ABCA13: variants seen among roughly 807,000 people sequenced by gnomAD.
The protein encoded by ABCA13 is ATP-binding cassette sub-family A member 13.
Under a neutral mutation model 478.7 loss-of-function variants are expected in ABCA13, and 476 were observed. The ratio of observed to expected loss-of-function variants is 0.99; its 90% confidence interval spans 0.92 to 1.07. ABCA13 has a LOEUF of 1.07. ABCA13 is among the 50% of genes least tolerant of loss of function. The probability of loss-of-function intolerance (pLI) is 0.00; values close to 1 mark genes in which losing one functional copy is unlikely to be tolerated. For synonymous variants in ABCA13, 2,252 were observed against 2,158.9 expected (o/e 1.04, Z -1.20); for missense variants, 6,060 against 5,910.6 (o/e 1.03, Z -0.83).
rs1223147462 is a variant in ABCA13, at chr7:48,374,356, T to G, written c.11143T>G (p.Ser3715Ala). ...FVNQTFLCLL[S>A]TTAFGQGVFF... ...ATCAATCTGTGGGCAGTGCCTTCTT[T>G]CGACAACCGCCTTTGGACAAGGGGT... Residue 3715 changes from serine to alanine, a missense_variant, in exon 34 of 62, where the codon TCG becomes GCG. Around this residue, in one of 3 missense-constraint regions of ABCA13, gnomAD observed 4,423 missense variants for 4,309.1 expected, o/e 1.03. Coordinates refer to ENST00000435803, the MANE Select transcript of ABCA13 (RefSeq NM_152701.5). 1 of 1,609,866 alleles carries G rather than the reference T, an allele frequency of 6.2e-7. No individual in the cohort carries two copies.
At chr7:48,566,049 G>T (rs1339159944) in intron 55 of ABCA13, among the ~76,000 whole-genome samples, 1 of 152,128 alleles carries the variant, frequency 6.6e-6, no homozygotes, top group Non-Finnish European at 1.5e-5. Context: ...ATACTATCTG[G>T]AAAGCAAATC....
At position 48,374,380 on chromosome 7, in the gene ABCA13, G is replaced by T. The variant is rs529853648; in HGVS notation, c.11167G>T (p.Val3723Leu). The change falls in exon 34 of 62, where the codon GTA becomes TTA. Residue 3723 changes from valine (V) to leucine (L), a missense_variant. Val to Leu is a conservative substitution (Grantham distance 32). This residue lies in a region of ABCA13 where 4,423 missense variants were observed against 4,309.1 expected (regional missense o/e 1.03). Coordinates refer to ENST00000435803, the MANE Select transcript of ABCA13 (RefSeq NM_152701.5). ...TTCGACAACCGCCTTTGGACAAGGG[G>T]TATTTTTTATTACATTCCTGGAAGG... ...LLSTTAFGQG[V>L]FFITFLEGQE... The T allele has an allele frequency of 6.2e-7, 1 of 1,610,624 alleles. No individual in the cohort carries two copies.
chr7:48,288,226 T>A (rs1798034865), intron 20 of ABCA13, 148 bp downstream of exon 20: 2 of 740,290 alleles, frequency 2.7e-6, no homozygotes, highest in Non-Finnish European at 2.2e-6. Context: ...GCTTGCAGAA[T>A]GACTGCTCAC....
intron 18 of ABCA13, among the ~76,000 whole-genome samples, 154 bp downstream of exon 18, chr7:48,280,074 G>T (rs979718616): frequency 3.9e-5 from 6 of 152,114 alleles, no homozygotes; most frequent in Non-Finnish European, 7.4e-5. Context: ...GAGCAATTCA[G>T]GTCCAGTCAT....
At chr7:48,270,074 A>C (rs1289163837) in intron 16 of ABCA13, among the ~76,000 whole-genome samples, 1 of 152,194 alleles carries the variant, frequency 6.6e-6, no homozygotes, top group Non-Finnish European at 1.5e-5. Flanking sequence ...GACCCATAGC[A>C]GTTGGCACAG....
chr7:48,328,389 A>G (rs1170553529), intron 27 of ABCA13, among the ~76,000 whole-genome samples: 1 of 152,206 alleles, frequency 6.6e-6, no homozygotes, highest in East Asian at 1.9e-4. Context: ...GATGGGTGAA[A>G]GTGGCCAATA....
chr7:48,273,596 AAAT>A lies in ABCA13; in HGVS notation c.3934_3936del (p.Asn1312del), dbSNP rs1406760640. Reference sequence around the variant, plus strand: ...TAGATTCAATAAATGACTTTCTTTCAAATAATCTCACAAATTATGGAGAAAAAT... The same window carrying A: ...TAGATTCAATAAATGACTTTCTTTCAAATCTCACAAATTATGGAGAAAAAT... On this transcript the variant is annotated inframe_deletion, in exon 17 of 62. Coordinates refer to ENST00000435803, the MANE Select transcript of ABCA13 (RefSeq NM_152701.5). 1.3e-6 allele frequency: 2 copies of A among 1,592,254 alleles called. No individual in the cohort carries two copies. The highest frequency in any genetic ancestry group is 2.7e-5 in the African/African-American group (2 of 74,598).
Position 48,587,182 on chromosome 7 carries a change from A to C in ABCA13, c.14534A>C (p.His4845Pro), listed in dbSNP as rs777707865. ...GCTGGAGACCTCATCAGGCGCTTAC[A>C]CCTCGAAGCCCACGCGGACAAACCT... is the stretch of plus-strand genomic sequence containing the variant. Reference protein sequence around the residue: ...EVAGDLIRRLHLEAHADKPVA... With the variant: ...EVAGDLIRRLPLEAHADKPVA... Residue 4845 changes from histidine to proline, a missense_variant, in exon 57 of 62, where the codon CAC becomes CCC. Physicochemically the swap from His to Pro is moderately conservative, Grantham distance 77. This residue lies in a region of ABCA13 where 1,627 missense variants were observed against 1,571.0 expected (regional missense o/e 1.04). Coordinates refer to ENST00000435803, the MANE Select transcript of ABCA13 (RefSeq NM_152701.5). The C allele has an allele frequency of 2.5e-6, 4 of 1,613,126 alleles. No individual in the cohort carries two copies. In the Admixed American group the frequency reaches 6.7e-5, roughly 27 times the overall value.
intron 43 of ABCA13, among the ~76,000 whole-genome samples, chr7:48,462,451 C>G (rs973569953): frequency 4.6e-5 from 7 of 151,938 alleles, no homozygotes; most frequent in African/African-American, 1.7e-4. Flanking sequence ...ATTCCCCCCC[C>G]CCTACTGTTT....
intron 33 of ABCA13, 142 bp from the exon 34 acceptor site, chr7:48,374,205 A>C: frequency 1.4e-6 from 1 of 690,390 alleles, no homozygotes; most frequent in Non-Finnish European, 2.4e-6. Context: ...CAAAATATTT[A>C]AATGACTGCC....
At chr7:48,354,234 T>A (rs1809525930) in intron 31 of ABCA13, among the ~76,000 whole-genome samples, 1 of 152,018 alleles carries the variant, frequency 6.6e-6, no homozygotes, top group South Asian at 2.1e-4. Flanking sequence ...TCTCCACCCA[T>A]GAAAGAGCGG....
chr7:48,227,304 A>C lies in ABCA13; in HGVS notation c.511A>C (p.Ser171Arg), dbSNP rs766616016. 3 of 1,613,928 alleles carry C rather than the reference A, an allele frequency of 1.9e-6. No individual in the cohort carries two copies. In the South Asian group the frequency reaches 3.3e-5, roughly 18 times the overall value. ...CGAGGAGGTAATATTGAAACTGGAA[A>C]GCCTCCATCAGCAGCCTCATATCTG... ...KTEEVILKLE[S>R]LHQQPHIWDF... Residue 171 changes from serine (S) to arginine (R), a missense_variant, in exon 6 of 62, where the codon AGC becomes CGC. Ser to Arg is a moderately radical substitution (Grantham distance 110). This residue lies in a region of ABCA13 where 4,423 missense variants were observed against 4,309.1 expected (regional missense o/e 1.03). Coordinates refer to ENST00000435803, the MANE Select transcript of ABCA13 (RefSeq NM_152701.5).
intron 41 of ABCA13, among the ~76,000 whole-genome samples, chr7:48,420,035 G>A (rs1028568501): frequency 6.6e-6 from 1 of 152,108 alleles, no homozygotes; most frequent in Non-Finnish European, 1.5e-5. Context: ...GACACTTGGC[G>A]AGCATTGACT....
intron 55 of ABCA13, among the ~76,000 whole-genome samples, chr7:48,556,808 A>G (rs1302764664): frequency 6.6e-6 from 1 of 151,880 alleles, no homozygotes; most frequent in Admixed American, 6.6e-5. Context: ...TACACTCAAT[A>G]TTATTGATAA....
intron 4 of ABCA13, 97 bp from the exon 5 acceptor site, chr7:48,221,184 G>A (rs1462629842): frequency 1.6e-6 from 1 of 625,292 alleles, no homozygotes; most frequent in Non-Finnish European, 2.8e-6. Flanking sequence ...CAGGGCTCTT[G>A]GATACTCCAT....
At chr7:48,438,801 TC>T (rs1378035941) in intron 42 of ABCA13, among the ~76,000 whole-genome samples, 8 of 152,064 alleles carry the variant, frequency 5.3e-5, no homozygotes, top group African/African-American at 1.9e-4. Flanking sequence ...TTTGGAAATC[TC>T]CTTAGCTAAA....
At chr7:48,341,142 A>G (rs967572777) in intron 29 of ABCA13, among the ~76,000 whole-genome samples, 3 of 152,144 alleles carry the variant, frequency 2.0e-5, no homozygotes, top group African/African-American at 7.2e-5. Context: ...ATGCATTATA[A>G]TGACATTCCC....
chr7:48,621,100 G>A (rs1308838128), intron 59 of ABCA13, among the ~76,000 whole-genome samples: 1 of 152,082 alleles, frequency 6.6e-6, no homozygotes, highest in Admixed American at 6.6e-5. Context: ...CACCTTGCTT[G>A]GACCACTCCC....
At chr7:48,601,063 G>A (rs540052306) in intron 58 of ABCA13, among the ~76,000 whole-genome samples, 44 of 151,938 alleles carry the variant, frequency 2.9e-4, no homozygotes, top group African/African-American at 1.0e-3. Context: ...ATTGATCTAT[G>A]TGTTCACTGA....
Sources: allele counts gnomAD v4.1 joint callset (sites outside exome capture counted in the v4.1 genomes callset), GRCh38; gene constraint gnomAD v4.1.1; regional missense constraint gnomAD v4.1.1; transcripts MANE v1.5; gene names NCBI Gene and HGNC (gene_info 2026-07-23, HGNC 2026-07-21).